AP1AR: variants seen among roughly 807,000 people sequenced by gnomAD.
AP1AR encodes the protein adaptor related protein complex 1 associated regulatory protein.
In AP1AR, 29 loss-of-function variants were observed where a neutral mutation model predicts 46.3. The ratio of observed to expected loss-of-function variants is 0.63; its 90% confidence interval spans 0.47 to 0.85. AP1AR has a LOEUF of 0.85. Ranked by LOEUF, AP1AR falls within the 40% of genes least tolerant of loss-of-function variation. The pLI is 0.00. For synonymous variants in AP1AR, 122 were observed against 122.9 expected (o/e 0.99, Z 0.05); for missense variants, 357 against 356.3 (o/e 1.00, Z -0.02).
intron 1 of AP1AR, among the ~76,000 whole-genome samples, chr4:112,243,028 C>A (rs942779022): frequency 6.6e-6 from 1 of 152,192 alleles, no homozygotes; most frequent in Non-Finnish European, 1.5e-5. Flanking sequence ...AATTAACACA[C>A]CTGAATATAC....
At position 112,270,831 on chromosome 4, in the gene AP1AR, G is replaced by C. The variant is rs1726917864; in HGVS notation, c.*2422G>C. Reference sequence around the variant, plus strand: ...AGTTTTATTTGATGTGTAATAGAAAGCCACTGAAATTTTTTGTAAGCAAGG... The same window carrying C: ...AGTTTTATTTGATGTGTAATAGAAACCCACTGAAATTTTTTGTAAGCAAGG... On this transcript the variant is annotated 3_prime_UTR_variant, in exon 10 of 10. Coordinates refer to ENST00000274000, the MANE Select transcript of AP1AR (RefSeq NM_018569.6). 6.6e-6 allele frequency among the ~76,000 whole-genome samples: 1 copy of C among 152,154 alleles called. No individual in the cohort carries two copies. The highest frequency in any genetic ancestry group is 2.4e-5 in the African/African-American group (1 of 41,450).
chr4:112,264,133 C>CTTT (rs1726572227), intron 6 of AP1AR, among the ~76,000 whole-genome samples: 4 of 151,990 alleles, frequency 2.6e-5, no homozygotes, highest in Admixed American at 2.6e-4. Context: ...AATATATTTT[C>CTTT]TTTTTAAGTC....
chr4:112,253,451 T>G lies in AP1AR; in HGVS notation c.132+195T>G, dbSNP rs1382374890. 1.8e-5 allele frequency: 10 copies of G among 543,886 alleles called. No individual in the cohort carries two copies. The East Asian group carries it at 3.4e-4, about 18-fold the overall frequency. The allele number at this position is 543,886 out of a possible 1,614,324, so 33.7% of individuals were successfully genotyped here. On this transcript the variant is annotated intron_variant, in intron 2 of 9. Transcript: ENST00000274000. Reference sequence around the variant, plus strand: ...GAGTAGGAAGAAGTTTGCAGAGGATTATGGTTCTGTTTTTCTAATAGCTTT... The same window carrying G: ...GAGTAGGAAGAAGTTTGCAGAGGATGATGGTTCTGTTTTTCTAATAGCTTT...
intron 1 of AP1AR, among the ~76,000 whole-genome samples, chr4:112,235,897 T>C (rs557369352): frequency 1.3e-5 from 2 of 152,180 alleles, no homozygotes; most frequent in South Asian, 4.1e-4. Flanking sequence ...AACTATGCGC[T>C]TGACTTCCAC....
At chr4:112,249,667 T>A (rs1304645903) in intron 1 of AP1AR, among the ~76,000 whole-genome samples, 1 of 151,762 alleles carries the variant, frequency 6.6e-6, no homozygotes, top group East Asian at 1.9e-4. Context: ...AAGAAATATA[T>A]ATATATATAA....
chr4:112,246,473 T>G (rs1250964468), intron 1 of AP1AR, among the ~76,000 whole-genome samples: 3 of 152,184 alleles, frequency 2.0e-5, no homozygotes, highest in Non-Finnish European at 4.4e-5. Flanking sequence ...ACCACTGCAC[T>G]CCAGCCTGGG....
In AP1AR at chr4:112,268,576, A is replaced by G. The variant is rs771680540; in HGVS notation, c.*167A>G. On this transcript the variant is annotated 3_prime_UTR_variant, in exon 10 of 10. Coordinates refer to ENST00000274000, the MANE Select transcript of AP1AR (RefSeq NM_018569.6). ...TAGGGATGATAGGATCTGAATTGAT[A>G]CAGAATTAAGTGCAATTTCATCATC... 1.6e-5 allele frequency: 10 copies of G among 609,342 alleles called. No individual in the cohort carries two copies. The highest frequency in any genetic ancestry group is 2.5e-5 in the Non-Finnish European group (10 of 400,784). 37.7% of individuals were successfully genotyped at this position (609,342 alleles called of 1,614,324 possible).
chr4:112,242,710 T>G (rs1225817010), intron 1 of AP1AR, among the ~76,000 whole-genome samples: 1 of 152,158 alleles, frequency 6.6e-6, no homozygotes, highest in African/African-American at 2.4e-5. Flanking sequence ...CCACCACTGT[T>G]ACCTAAACAC....
At position 112,268,666 on chromosome 4, in the gene AP1AR, T is replaced by A; in HGVS notation, c.*257T>A. ...TGTTACTGATTAAATTTACTTTGTCTTGTCTTTATAGCATTTCTGTTTACT... is the reference window on the plus strand; with the variant it reads ...TGTTACTGATTAAATTTACTTTGTCATGTCTTTATAGCATTTCTGTTTACT... On this transcript the variant is annotated 3_prime_UTR_variant, in exon 10 of 10. Transcript: ENST00000274000. The A allele has an allele frequency of 3.2e-6, 1 of 312,926 alleles. No homozygotes were observed. The highest frequency in any genetic ancestry group is 5.8e-6 in the Non-Finnish European group (1 of 172,680). The allele number at this position is 312,926 out of a possible 1,614,324, so 19.4% of individuals were successfully genotyped here. A position where few individuals can be genotyped will look rare whatever the true frequency, so the allele number is the denominator to read the frequency against.
chr4:112,260,939 G>A (rs888115361), intron 5 of AP1AR, 77 bp downstream of exon 5: 1 of 898,042 alleles, frequency 1.1e-6, no homozygotes, highest in African/African-American at 1.7e-5. Flanking sequence ...ATTGTGTAGA[G>A]TCTTTGGACC....
At chr4:112,239,387 A>C (rs1725385507) in intron 1 of AP1AR, among the ~76,000 whole-genome samples, 1 of 152,010 alleles carries the variant, frequency 6.6e-6, no homozygotes, top group Non-Finnish European at 1.5e-5. Flanking sequence ...AAGTAACCTA[A>C]TGTTCACCTT....
chr4:112,264,928 CT>C, intron 6 of AP1AR, 80 bp from the exon 7 acceptor site: 1 of 1,018,642 alleles, frequency 9.8e-7, no homozygotes, highest in Non-Finnish European at 1.4e-6. Context: ...GAAAAAAATA[CT>C]TTTTGGTGTT....
At chr4:112,257,868 G>T in intron 4 of AP1AR, 71 bp downstream of exon 4, 2 of 1,337,582 alleles carry the variant, frequency 1.5e-6, no homozygotes, top group South Asian at 1.5e-5. Flanking sequence ...AAGAAGTCAG[G>T]CTTTATCATT....
intron 5 of AP1AR, among the ~76,000 whole-genome samples, chr4:112,262,540 A>C (rs1334122134): frequency 3.3e-5 from 5 of 152,326 alleles, no homozygotes; most frequent in African/African-American, 9.6e-5. Context: ...TTAAGGAGAC[A>C]TGTGCATTGA....
chr4:112,246,313 C>T (rs976670548), intron 1 of AP1AR, among the ~76,000 whole-genome samples: 1 of 152,098 alleles, frequency 6.6e-6, no homozygotes, highest in African/African-American at 2.4e-5. Flanking sequence ...CGAGACCAGC[C>T]TGGCCAATAT....
intron 1 of AP1AR, among the ~76,000 whole-genome samples, chr4:112,236,772 T>A (rs1319651595): frequency 6.6e-6 from 1 of 152,210 alleles, no homozygotes. Context: ...TATGGCATAC[T>A]GTCCCTTTGT....
chr4:112,232,226 C>T (rs1393584726), intron 1 of AP1AR, 52 bp downstream of exon 1: 1 of 1,252,382 alleles, frequency 8.0e-7, no homozygotes. Flanking sequence ...CTCTTCGGCC[C>T]CCGGCGGGGA....
intron 1 of AP1AR, among the ~76,000 whole-genome samples, chr4:112,243,500 G>A (rs1725594355): frequency 6.6e-6 from 1 of 152,084 alleles, no homozygotes. Context: ...GATTGCATAC[G>A]TTATTCATAC....
intron 1 of AP1AR, among the ~76,000 whole-genome samples, chr4:112,252,687 C>T (rs1560607756): frequency 6.6e-6 from 1 of 152,126 alleles, no homozygotes; most frequent in African/African-American, 2.4e-5. Context: ...TTGTTTTTCT[C>T]TTTTATTTGT....
Sources: allele counts gnomAD v4.1 joint callset (sites outside exome capture counted in the v4.1 genomes callset), GRCh38; gene constraint gnomAD v4.1.1; transcripts MANE v1.5; gene names NCBI Gene and HGNC (gene_info 2026-07-23, HGNC 2026-07-21).